The following CFAP54 variants were observed in gnomAD, a reference collection of about 807,000 sequenced individuals.
CFAP54 encodes cilia- and flagella-associated protein 54.
CFAP54 carries 290 observed loss-of-function variants against 370.4 expected under a neutral mutation model. The ratio of observed to expected loss-of-function variants is 0.78; its 90% CI spans 0.71 to 0.86. The LOEUF is 0.86. CFAP54 is among the 40% of genes least tolerant of loss of function. CFAP54 has a pLI of 0.00. For synonymous variants in CFAP54, 1,206 were observed against 1,236.5 expected (o/e 0.98, Z 0.52); for missense variants, 3,399 against 3,528.7 (o/e 0.96, Z 0.93).
intron 20 of CFAP54, among the ~76,000 whole-genome samples, chr12:96,578,132 C>T (rs1955998984): frequency 6.6e-6 from 1 of 152,094 alleles, no homozygotes; most frequent in Admixed American, 6.5e-5. Flanking sequence ...GGATTCTGTC[C>T]AATGAGCATT....
chr12:96,631,707 T>C (rs1175260979), intron 32 of CFAP54, among the ~76,000 whole-genome samples: 1 of 149,114 alleles, frequency 6.7e-6, no homozygotes, highest in Non-Finnish European at 1.5e-5. Context: ...ACAATATATA[T>C]TATGCATATA....
chr12:96,493,858 A>C (rs918872835), intron 1 of CFAP54, among the ~76,000 whole-genome samples: 3 of 152,168 alleles, frequency 2.0e-5, no homozygotes, highest in African/African-American at 7.2e-5. Flanking sequence ...AAAAGAAGAT[A>C]ATCTATTCCC....
chr12:96,593,585 T>C (rs1381910487), intron 24 of CFAP54, among the ~76,000 whole-genome samples: 2 of 152,264 alleles, frequency 1.3e-5, no homozygotes, highest in Admixed American at 1.3e-4. Context: ...AATTTTCAAG[T>C]ACTTCAGTGA....
intron 32 of CFAP54, among the ~76,000 whole-genome samples, chr12:96,633,226 A>T (rs908780766): frequency 6.6e-6 from 1 of 152,180 alleles, no homozygotes; most frequent in Non-Finnish European, 1.5e-5. Context: ...CTTCGAGTTT[A>T]ATCAGGAAAA....
rs1292327783 is a variant in CFAP54 at position 96,588,885 on chromosome 12, A to G, written c.3076-542A>G. ...TTTTGCCTAATGTTAAATTTGTTAA[A>G]CTTAAAACATATAATGTCTTCTTGG... On this transcript the variant is annotated intron_variant, in intron 22 of 67. Transcript: ENST00000524981. 2.0e-5 allele frequency among the ~76,000 whole-genome samples: 3 copies of G among 152,348 alleles called. No individual in the cohort carries two copies. In the East Asian group the frequency reaches 5.8e-4, roughly 29 times the overall value.
intron 67 of CFAP54, among the ~76,000 whole-genome samples, chr12:96,864,887 C>T (rs1326598175): frequency 6.6e-6 from 1 of 152,044 alleles, no homozygotes; most frequent in Non-Finnish European, 1.5e-5. Context: ...GCCCATAAAA[C>T]CTGAAAACTT....
intron 30 of CFAP54, among the ~76,000 whole-genome samples, chr12:96,627,610 T>C (rs778201561): frequency 2.2e-4 from 34 of 152,192 alleles, no homozygotes; most frequent in Non-Finnish European, 8.8e-5. Flanking sequence ...CTTAAAAACA[T>C]ATAGAAAGAT....
chr12:96,664,689 G>A (rs77543052), intron 39 of CFAP54, among the ~76,000 whole-genome samples: 322 of 26,152 alleles, frequency 0.012, 17 homozygotes, highest in East Asian at 0.017. Context: ...ATTCCTTTGG[G>A]TATATATCTA....
chr12:96,704,492 ATATATATATT>A (rs1170119317), intron 46 of CFAP54, among the ~76,000 whole-genome samples: 3 of 119,756 alleles, frequency 2.5e-5, no homozygotes, highest in East Asian at 2.4e-4. Context: ...ATATATATAT[ATATATATATT>A]TAAAATACAT....
intron 26 of CFAP54, among the ~76,000 whole-genome samples, chr12:96,610,519 G>A (rs1956346507): frequency 6.6e-6 from 1 of 152,132 alleles, no homozygotes; most frequent in Non-Finnish European, 1.5e-5. Flanking sequence ...CTGAGGTACT[G>A]GGTTCATCTC....
chr12:96,864,280 G>A (rs1205250879), intron 67 of CFAP54, among the ~76,000 whole-genome samples: 1 of 152,150 alleles, frequency 6.6e-6, no homozygotes, highest in African/African-American at 2.4e-5. Flanking sequence ...ACACAGGCGA[G>A]GGAAGTCAGG....
At chr12:96,826,751 TA>T (rs1193239078) in intron 65 of CFAP54, among the ~76,000 whole-genome samples, 1 of 112,412 alleles carries the variant, frequency 8.9e-6, no homozygotes, top group Non-Finnish European at 1.6e-5. Flanking sequence ...AATTCTTATA[TA>T]ATACATATTA....
At chr12:96,512,915 C>A (rs1955189067) in intron 4 of CFAP54, 71 bp from the exon 5 acceptor site, 3 of 1,027,142 alleles carry the variant, frequency 2.9e-6, no homozygotes, top group Admixed American at 2.4e-5. Context: ...AGACTTGAAC[C>A]ACAGAAATTG....
At chr12:96,518,563 G>A in intron 5 of CFAP54, among the ~76,000 whole-genome samples, 1 of 152,110 alleles carries the variant, frequency 6.6e-6, no homozygotes, top group East Asian at 1.9e-4. Context: ...GTGCACACCT[G>A]TAGTTCCAGT....
chr12:96,688,936 T>C lies in CFAP54; in HGVS notation c.6035T>C (p.Val2012Ala), dbSNP rs948467307. 3 of 1,582,944 alleles carry C rather than the reference T, an allele frequency of 1.9e-6. No homozygotes were observed. Among genetic ancestry groups the C allele is most frequent in the Non-Finnish European group, 2.6e-6 (3 of 1,168,432 alleles). ...KIAQFIKSLN[V>A]EKKTDCCILS... The stretch of plus-strand genomic sequence containing the variant: ...CTTAGATTTATTAAGTCATTGAATG[T>C]TGAAAAGAAAACTGACTGTTGCATT... The change falls in exon 43 of 68, where the codon GTT becomes GCT. Residue 2012 changes from valine to alanine, a missense_variant. By Grantham distance (64) the Val-to-Ala change is moderately conservative. Coordinates refer to ENST00000524981, the MANE Select transcript of CFAP54 (RefSeq NM_001306084.2).
intron 50 of CFAP54, among the ~76,000 whole-genome samples, chr12:96,729,257 T>A (rs1565956750): frequency 6.6e-6 from 1 of 152,188 alleles, no homozygotes; most frequent in Non-Finnish European, 1.5e-5. Flanking sequence ...GCTGTCTTTT[T>A]GTTTGTCTGT....
At chr12:96,841,811 A>G (rs1235233821) in intron 66 of CFAP54, among the ~76,000 whole-genome samples, 1 of 152,246 alleles carries the variant, frequency 6.6e-6, no homozygotes, top group Non-Finnish European at 1.5e-5. Flanking sequence ...TGGTTGACAA[A>G]AACATAGTTT....
chr12:96,782,947 A>T (rs1248667063), intron 60 of CFAP54, among the ~76,000 whole-genome samples: 1 of 152,196 alleles, frequency 6.6e-6, no homozygotes, highest in Non-Finnish European at 1.5e-5. Context: ...ATAGATATAT[A>T]AATTGTGGTA....
intron 55 of CFAP54, 89 bp from the exon 56 acceptor site, chr12:96,753,654 T>C: frequency 7.9e-7 from 1 of 1,264,164 alleles, no homozygotes; most frequent in Admixed American, 2.1e-5. Flanking sequence ...ATAGATTTCA[T>C]TACTGTGAGA....
Sources: gnomAD v4.1 joint callset for allele counts (sites outside exome capture counted in the v4.1 genomes callset) on GRCh38, gnomAD v4.1.1 for gene constraint, MANE v1.5 for transcripts, NCBI Gene and HGNC (gene_info 2026-07-23, HGNC 2026-07-21) for gene names.